PDE6A: variants seen among roughly 807,000 people sequenced by gnomAD.
PDE6A encodes rod cGMP-specific 3',5'-cyclic phosphodiesterase subunit alpha.
A neutral mutation model predicts 106.3 loss-of-function variants in PDE6A; 84 were observed. The ratio of observed to expected loss-of-function variants is 0.79; its 90% CI spans 0.66 to 0.95. The LOEUF (loss-of-function observed/expected upper bound fraction) is 0.95. Among genes scored for constraint, PDE6A ranks in the 40% least tolerant of loss-of-function variants. The pLI, the probability that PDE6A is intolerant of heterozygous loss-of-function variation, is 0.00. For synonymous variants in PDE6A, 394 were observed against 386.6 expected, an observed-to-expected ratio of 1.02 and a Z score of -0.23; for missense variants, 1,052 against 1,084.9, an observed-to-expected ratio of 0.97 and a Z score of 0.43.
Position 149,860,768 on chromosome 5 carries a change from T to C in PDE6A, c.*127A>G. 1.3e-6 allele frequency: 1 copy of C among 775,506 alleles called. No individual in the cohort carries two copies. The highest frequency in any genetic ancestry group is 2.1e-6 in the Non-Finnish European group (1 of 465,860). The allele number at this position is 775,506 out of a possible 1,614,324, so 48.0% of individuals were successfully genotyped here. ...CAAAAGATTGAACAGTCCTGGAAGC[T>C]AAATTCTCTAACAGCTTTCAAATCC... On this transcript the variant is annotated 3_prime_UTR_variant, in exon 22 of 22. Coordinates refer to ENST00000255266, the MANE Select transcript of PDE6A (RefSeq NM_000440.3).
chr5:149,912,146 G>A (rs1348018978), intron 6 of PDE6A, among the ~76,000 whole-genome samples: 1 of 151,484 alleles, frequency 6.6e-6, no homozygotes, highest in Non-Finnish European at 1.5e-5. Flanking sequence ...TCACTATGTT[G>A]CCCAGGCTGG....
At chr5:149,896,296 T>C in intron 12 of PDE6A, 60 bp downstream of exon 12, 1 of 1,423,302 alleles carries the variant, frequency 7.0e-7, no homozygotes, top group African/African-American at 1.4e-5. Flanking sequence ...AGTCTTTTTT[T>C]TAAAGCAAGC....
rs121918578 is a variant in PDE6A, at chr5:149,895,228, C to T, written c.1683G>A (p.Trp561Ter). ...TCTGCCCCACGTTGAAGCCGTGCCG[C>T]CAGTTGTGGTAGGTGATCTTGCGGT... ...KGYRKITYHN[W>*]RHGFNVGQTM... is the part of the protein sequence containing the mutation. Residue 561 changes from tryptophan (W) to a stop codon, truncating the protein, a stop_gained, in exon 13 of 22, where the codon TGG (tryptophan) becomes TGA (stop). Transcript: ENST00000255266. LOFTEE classifies it high-confidence loss of function. 1 of 1,614,142 alleles carries T rather than the reference C, an allele frequency of 6.2e-7. No homozygotes were observed. The highest frequency in any genetic ancestry group is 8.5e-7 in the Non-Finnish European group (1 of 1,179,998).
At chr5:149,927,968 G>A (rs1753909371) in intron 4 of PDE6A, among the ~76,000 whole-genome samples, 1 of 151,526 alleles carries the variant, frequency 6.6e-6, no homozygotes, top group South Asian at 2.1e-4. Context: ...AACGTCTTCA[G>A]GGGCAAAAAC....
intron 4 of PDE6A, among the ~76,000 whole-genome samples, chr5:149,927,741 T>G (rs917531565): frequency 6.6e-6 from 1 of 152,058 alleles, no homozygotes; most frequent in Admixed American, 6.5e-5. Flanking sequence ...CTGTTATTCT[T>G]TTTTCTTTTT....
intron 17 of PDE6A, among the ~76,000 whole-genome samples, chr5:149,876,944 T>G (rs746224240): frequency 1.3e-5 from 2 of 151,974 alleles, no homozygotes; most frequent in African/African-American, 4.8e-5. Context: ...CATAGATAGA[T>G]AGATGATAGA....
At chr5:149,883,784 G>A (rs76211223) in intron 16 of PDE6A, among the ~76,000 whole-genome samples, 19,001 of 152,228 alleles carry the variant, frequency 0.12, 1,313 homozygotes, top group South Asian at 0.25. Flanking sequence ...CGGGGGTAAT[G>A]ATATCTAACT....
chr5:149,866,778 T>C (rs955053236), intron 19 of PDE6A: 1 of 155,952 alleles, frequency 6.4e-6, no homozygotes, highest in Non-Finnish European at 1.4e-5. Flanking sequence ...CTAAAGTATT[T>C]ATGGAAGAGA....
At chr5:149,881,375 G>T (rs930706962) in intron 17 of PDE6A, among the ~76,000 whole-genome samples, 2 of 152,108 alleles carry the variant, frequency 1.3e-5, no homozygotes, top group African/African-American at 4.8e-5. Flanking sequence ...ATTAGATAAA[G>T]AAAATGTGTT....
intron 4 of PDE6A, among the ~76,000 whole-genome samples, chr5:149,926,920 A>T (rs1410073992): frequency 6.7e-6 from 1 of 149,474 alleles, no homozygotes; most frequent in Non-Finnish European, 1.5e-5. Context: ...GGAGGTTGCA[A>T]TGAGCTGAGA....
In PDE6A at chr5:149,944,209, G is replaced by A. The variant is rs2277926; in HGVS notation, c.465C>T (p.Asn155=). ...AHSKKIANVP[N]TEEDEHFCDF... The stretch of plus-strand genomic sequence containing the variant: ...ATGGGGAAGAGAGTACCTCCTCTGT[G>A]TTGGGGACGTTAGCAATCTTCTTAG... Residue 155 remains asparagine (N), a synonymous_variant, in exon 1 of 22, where the codon AAC becomes AAT. Coordinates refer to ENST00000255266, the MANE Select transcript of PDE6A (RefSeq NM_000440.3). 275,246 of 1,610,876 alleles carry A rather than the reference G, an allele frequency of 0.17. 25,458 individuals carry two copies. The highest frequency in any genetic ancestry group is 0.29 in the South Asian group (26,376 of 90,910).
At chr5:149,896,831 G>A (rs935312885) in intron 10 of PDE6A, 55 bp from the exon 11 acceptor site, 11 of 1,579,080 alleles carry the variant, frequency 7.0e-6, no homozygotes, top group South Asian at 1.1e-5. Context: ...ATGCCTCCGC[G>A]TTTCCATTCC....
intron 13 of PDE6A, among the ~76,000 whole-genome samples, chr5:149,889,829 C>G (rs186203917): frequency 0.02 from 3,060 of 150,922 alleles, 98 homozygotes; most frequent in African/African-American, 0.069. Context: ...ATCGCTTGAA[C>G]CCAGGAAGCA....
At chr5:149,870,536 T>C (rs1231964649) in intron 17 of PDE6A, among the ~76,000 whole-genome samples, 1 of 152,098 alleles carries the variant, frequency 6.6e-6, no homozygotes, top group African/African-American at 2.4e-5. Context: ...ACATTCCCAG[T>C]GGTTGCAGAA....
chr5:149,930,806 C>T (rs1318047872), intron 4 of PDE6A, among the ~76,000 whole-genome samples: 2 of 152,142 alleles, frequency 1.3e-5, no homozygotes, highest in Admixed American at 6.5e-5. Context: ...TTCCAAATGA[C>T]TAAGGAAAGT....
intron 17 of PDE6A, among the ~76,000 whole-genome samples, chr5:149,870,716 A>ATC (rs1462920140): frequency 1.3e-5 from 2 of 149,162 alleles, no homozygotes; most frequent in Non-Finnish European, 3.0e-5. Flanking sequence ...TGTGCTGGGC[A>ATC]CAGGGGATCC....
At chr5:149,871,008 C>T (rs1028032469) in intron 17 of PDE6A, among the ~76,000 whole-genome samples, 4 of 151,976 alleles carry the variant, frequency 2.6e-5, no homozygotes, top group Non-Finnish European at 5.9e-5. Flanking sequence ...AGTCCAGGTG[C>T]CATCTAAGAG....
chr5:149,883,774 C>T (rs1394276816), intron 16 of PDE6A, among the ~76,000 whole-genome samples: 2 of 152,134 alleles, frequency 1.3e-5, no homozygotes, highest in Admixed American at 6.6e-5. Context: ...ATCTGTACAG[C>T]GGGGGTAATG....
chr5:149,942,763 A>G (rs1441229827), intron 1 of PDE6A, among the ~76,000 whole-genome samples: 3 of 151,970 alleles, frequency 2.0e-5, no homozygotes, highest in Non-Finnish European at 4.4e-5. Flanking sequence ...TCTGTGTCAT[A>G]AGTTTAAGAA....
Sources: allele counts gnomAD v4.1 joint callset (sites outside exome capture counted in the v4.1 genomes callset), GRCh38; gene constraint gnomAD v4.1.1; transcripts MANE v1.5; gene names NCBI Gene and HGNC (gene_info 2026-07-23, HGNC 2026-07-21).